The following CNGB3 variants were observed in gnomAD, a reference collection of about 807,000 sequenced individuals.
The protein encoded by CNGB3 is cyclic nucleotide-gated channel beta-3.
A neutral mutation model predicts 92.8 loss-of-function variants in CNGB3; 86 were observed. The observed-to-expected ratio is 0.93, with a 90% CI of 0.78 to 1.11. The LOEUF is 1.11. Ranked by LOEUF, CNGB3 falls within the 50% of genes least tolerant of loss-of-function variation. CNGB3 has a pLI of 0.00. For synonymous variants in CNGB3, 333 were observed against 332.7 expected, an observed-to-expected ratio of 1.00 and a Z score of -0.01; for missense variants, 1,026 against 956.8, an observed-to-expected ratio of 1.07 and a Z score of -0.95.
chr8:86,640,881 CAG>C (rs1031722894), intron 10 of CNGB3, among the ~76,000 whole-genome samples: 4 of 151,856 alleles, frequency 2.6e-5, no homozygotes, highest in African/African-American at 9.7e-5. Context: ...GTGTTTGAAC[CAG>C]AGTGACTCCC....
chr8:86,680,092 G>A (rs1489348448), intron 3 of CNGB3, among the ~76,000 whole-genome samples: 1 of 152,110 alleles, frequency 6.6e-6, no homozygotes, highest in Non-Finnish European at 1.5e-5. Flanking sequence ...AGCTCAAGTG[G>A]ACTAACCTGG....
chr8:86,626,603 G>A (rs984282), intron 12 of CNGB3, among the ~76,000 whole-genome samples: 53,532 of 152,038 alleles, frequency 0.35, 10,548 homozygotes, highest in African/African-American at 0.54. Flanking sequence ...AAACAAAAAG[G>A]ACTGAAGCCC....
At chr8:86,700,932 G>A (rs1824544372) in intron 3 of CNGB3, among the ~76,000 whole-genome samples, 1 of 152,156 alleles carries the variant, frequency 6.6e-6, no homozygotes, top group Non-Finnish European at 1.5e-5. Context: ...GAGCCACTGT[G>A]CCCGGCTGGG....
chr8:86,619,361 C>T (rs1416749765), intron 13 of CNGB3, among the ~76,000 whole-genome samples: 1 of 152,144 alleles, frequency 6.6e-6, no homozygotes, highest in Non-Finnish European at 1.5e-5. Flanking sequence ...TGAATCGCTG[C>T]TTATTAGCTT....
Position 86,695,692 on chromosome 8 carries a change from A to G in CNGB3, c.339-24594T>C, listed in dbSNP as rs111991843. ...AGAGATTTCATCTTGGTTTGGATCC[A>G]TTGCTGGAGAGCTAGTGTGATCTTT... On this transcript the variant is annotated intron_variant, in intron 3 of 17. Transcript: ENST00000320005. Among the ~76,000 whole-genome samples the G allele has an allele frequency of 9.5e-3, 1,440 of 152,144 alleles. 28 individuals are homozygous for G. Among genetic ancestry groups the G allele is most frequent in the African/African-American group, 0.033 (1,358 of 41,520 alleles).
At chr8:86,586,404 T>C (rs1215045950) in intron 15 of CNGB3, among the ~76,000 whole-genome samples, 1 of 151,908 alleles carries the variant, frequency 6.6e-6, no homozygotes, top group Non-Finnish European at 1.5e-5. Context: ...GTTACATATG[T>C]ATACATGTGC....
intron 6 of CNGB3, among the ~76,000 whole-genome samples, chr8:86,666,669 T>A (rs773634843): frequency 1.2e-4 from 18 of 152,186 alleles, no homozygotes; most frequent in Admixed American, 2.6e-4. Context: ...TTTCCATCAA[T>A]ATTATGATGG....
At chr8:86,601,693 G>A (rs749841691) in intron 15 of CNGB3, among the ~76,000 whole-genome samples, 1 of 152,172 alleles carries the variant, frequency 6.6e-6, no homozygotes, top group Non-Finnish European at 1.5e-5. Context: ...AATGACTAGA[G>A]CTTCAGCGGC....
At chr8:86,635,841 TATATATATATATATATATATATACAC>T (rs1474513787) in intron 10 of CNGB3, among the ~76,000 whole-genome samples, 1 of 65,320 alleles carries the variant, frequency 1.5e-5, no homozygotes, top group African/African-American at 8.2e-5. Flanking sequence ...TATATATATA[TATATATATATATATATATATATACAC>T]ATACACATAT....
intron 3 of CNGB3, among the ~76,000 whole-genome samples, chr8:86,717,868 A>G: frequency 6.6e-6 from 1 of 152,204 alleles, no homozygotes; most frequent in Non-Finnish European, 1.5e-5. Flanking sequence ...GAACCCTTGA[A>G]ACCATGCAAA....
chr8:86,657,618 G>A, intron 6 of CNGB3: 1 of 404,192 alleles, frequency 2.5e-6, no homozygotes, highest in Non-Finnish European at 5.0e-6. Context: ...GCAGCCCCGA[G>A]CTCCTGTGGG....
At chr8:86,630,872 C>T (rs576596385) in intron 11 of CNGB3, among the ~76,000 whole-genome samples, 130 of 152,056 alleles carry the variant, frequency 8.5e-4, no homozygotes, top group Non-Finnish European at 1.6e-3. Flanking sequence ...GACCCTGTCT[C>T]TTAATAAAAA....
At chr8:86,587,513 T>C (rs1452988565) in intron 15 of CNGB3, among the ~76,000 whole-genome samples, 1 of 152,220 alleles carries the variant, frequency 6.6e-6, no homozygotes, top group Non-Finnish European at 1.5e-5. Flanking sequence ...TTGATTTTTA[T>C]ATAAGGTGTA....
intron 11 of CNGB3, among the ~76,000 whole-genome samples, chr8:86,629,985 C>A (rs953276340): frequency 6.6e-6 from 1 of 152,054 alleles, no homozygotes; most frequent in Admixed American, 6.6e-5. Context: ...ATTTTAGTAG[C>A]TTTTGAGCCT....
intron 10 of CNGB3, among the ~76,000 whole-genome samples, 185 bp downstream of exon 10, chr8:86,643,566 T>G (rs987276328): frequency 1.3e-5 from 2 of 151,266 alleles, no homozygotes; most frequent in African/African-American, 4.8e-5. Context: ...ACTAAGATAA[T>G]GACCTTCAGT....
intron 3 of CNGB3, among the ~76,000 whole-genome samples, chr8:86,696,636 T>G (rs1415316234): frequency 1.3e-5 from 2 of 152,220 alleles, no homozygotes; most frequent in East Asian, 3.8e-4. Flanking sequence ...GATTGTTATA[T>G]CCTCTTGCTG....
rs1187138778 is a variant in CNGB3, at chr8:86,658,984, G to C, written c.853-4922C>G. 4.6e-6 allele frequency: 5 copies of C among 1,079,962 alleles called. No homozygotes were observed. The East Asian group carries it at 9.6e-5, about 21-fold the overall frequency. The allele number at this position is 1,079,962 out of a possible 1,614,324, so 66.9% of individuals were successfully genotyped here. A position where few individuals can be genotyped will look rare whatever the true frequency, so the allele number is the denominator to read the frequency against. ...TCATTGTCTTGCACCTGGGCTTGGA[G>C]CTGTCCTGCCAGACCCTCCAGCTCC... is the stretch of plus-strand genomic sequence containing the variant. On this transcript the variant is annotated intron_variant, in intron 6 of 17. Coordinates refer to ENST00000320005, the MANE Select transcript of CNGB3 (RefSeq NM_019098.5).
intron 3 of CNGB3, among the ~76,000 whole-genome samples, chr8:86,681,633 A>G (rs1189566322): frequency 5.3e-5 from 8 of 152,202 alleles, no homozygotes; most frequent in Non-Finnish European, 4.4e-5. Context: ...GGTGAGTGAA[A>G]TGAATAAGAG....
rs190915368 is a variant in CNGB3, at chr8:86,641,441, G to A, written c.1178+2310C>T. Among the ~76,000 whole-genome samples the A allele has an allele frequency of 2.6e-5, 4 of 151,890 alleles. No individual in the cohort carries two copies. In the East Asian group the frequency reaches 7.7e-4, roughly 29 times the overall value. ...TTGCCCCAAATTCTTTCTTGCACAA[G>A]GTCCAAGAACCCTCTCTTGGGGTCT... On this transcript the variant is annotated intron_variant, in intron 10 of 17. Coordinates refer to ENST00000320005, the MANE Select transcript of CNGB3 (RefSeq NM_019098.5).
Sources: gnomAD v4.1 joint callset for allele counts (sites outside exome capture counted in the v4.1 genomes callset) on GRCh38, gnomAD v4.1.1 for gene constraint, MANE v1.5 for transcripts, NCBI Gene and HGNC (gene_info 2026-07-23, HGNC 2026-07-21) for gene names.